The following PCDHGB1 variants were observed in gnomAD, a reference collection of about 807,000 sequenced individuals.
PCDHGB1 encodes the protein protocadherin gamma-B1.
PCDHGB1 carries 34 observed loss-of-function variants against 56.6 expected under a neutral mutation model. That is an observed-to-expected ratio of 0.60 (90% CI 0.46 to 0.80). PCDHGB1 has a LOEUF of 0.80. PCDHGB1 is among the 30% of genes least tolerant of loss of function. The pLI is 0.00. For missense variants in PCDHGB1, 1,278 were observed against 1,204.6 expected (o/e 1.06, Z -0.90); for synonymous variants, 561 against 505.9 (o/e 1.11, Z -1.46).
intron 3 of PCDHGB1, among the ~76,000 whole-genome samples, chr5:141,506,012 T>C (rs2099850012): frequency 6.6e-6 from 1 of 152,208 alleles, no homozygotes; most frequent in Non-Finnish European, 1.5e-5. Context: ...CCTCTTTTGC[T>C]GCCCCTAACT....
intron 1 of PCDHGB1, chr5:141,375,050 G>A: frequency 6.2e-7 from 1 of 1,614,046 alleles, no homozygotes; most frequent in Non-Finnish European, 8.5e-7. Flanking sequence ...TGAAGCCCGG[G>A]ATGGGCCAGG....
chr5:141,440,181 G>A (rs1419736461), intron 1 of PCDHGB1: 7 of 152,312 alleles, frequency 4.6e-5, no homozygotes, highest in Non-Finnish European at 8.8e-5. Context: ...CTTTGAAATA[G>A]TTGAAGGCCA....
rs3749778 is a variant in PCDHGB1, at chr5:141,351,790, G to T, written c.1530G>T (p.Val510=). 76,278 of 1,613,396 alleles carry T rather than the reference G, an allele frequency of 0.047. 1,925 individuals are homozygous for T. The highest frequency in any genetic ancestry group is 0.069 in the African/African-American group (5,185 of 75,068). Residue 510 remains valine, a synonymous_variant, in exon 1 of 4, where the codon GTG becomes GTT. Transcript: ENST00000523390. The part of the protein sequence containing the change: ...YVSVSPQSGV[V]FAQRAFDHEQ... Reference sequence around the variant, plus strand: ...CCGTGAGCCCGCAGAGCGGGGTGGTGTTCGCGCAGCGCGCCTTCGACCACG... The same window carrying T: ...CCGTGAGCCCGCAGAGCGGGGTGGTTTTCGCGCAGCGCGCCTTCGACCACG...
intron 1 of PCDHGB1, chr5:141,370,805 C>T: frequency 6.2e-7 from 1 of 1,614,026 alleles, no homozygotes; most frequent in Non-Finnish European, 8.5e-7. Flanking sequence ...GCCAAAATAT[C>T]ACTGAGCTGG....
At chr5:141,409,617 C>A (rs2095293168) in intron 1 of PCDHGB1, 1 of 1,613,748 alleles carries the variant, frequency 6.2e-7, no homozygotes, top group South Asian at 1.1e-5. Context: ...GCCTCCATTG[C>A]GCAAGTGAGC....
chr5:141,478,520 G>A, intron 1 of PCDHGB1: 1 of 1,610,510 alleles, frequency 6.2e-7, no homozygotes, highest in Non-Finnish European at 8.5e-7. Context: ...GCAGGTGTTG[G>A]GTGCAGAGAG....
At chr5:141,358,396 T>C (rs1427310133) in intron 1 of PCDHGB1, among the ~76,000 whole-genome samples, 1 of 152,190 alleles carries the variant, frequency 6.6e-6, no homozygotes, top group Non-Finnish European at 1.5e-5. Flanking sequence ...TGCTTGAAGT[T>C]TACTTTTCCT....
At chr5:141,414,691 T>A (rs2095777481) in intron 1 of PCDHGB1, 1 of 1,613,848 alleles carries the variant, frequency 6.2e-7, no homozygotes, top group African/African-American at 1.3e-5. Context: ...GGTACCTCTG[T>A]CCTCATACAT....
chr5:141,434,027 G>A (rs887125944), intron 1 of PCDHGB1, among the ~76,000 whole-genome samples: 3 of 152,130 alleles, frequency 2.0e-5, no homozygotes, highest in Non-Finnish European at 2.9e-5. Flanking sequence ...GATTCTGGAA[G>A]CATGGTTTTC....
intron 1 of PCDHGB1, chr5:141,365,416 C>T (rs780113082): frequency 5.0e-6 from 8 of 1,613,930 alleles, no homozygotes; most frequent in Non-Finnish European, 6.8e-6. Context: ...ACTGTCTTCC[C>T]GGAACTGTAA....
intron 1 of PCDHGB1, chr5:141,371,857 C>G (rs1768115675): frequency 6.2e-7 from 1 of 1,613,484 alleles, no homozygotes; most frequent in Admixed American, 1.7e-5. Flanking sequence ...GGCCTTGTCT[C>G]CTACTACATC....
chr5:141,460,783 T>G (rs1000959104), intron 1 of PCDHGB1, among the ~76,000 whole-genome samples: 1 of 152,030 alleles, frequency 6.6e-6, no homozygotes, highest in Non-Finnish European at 1.5e-5. Flanking sequence ...TGTATACATA[T>G]ATACACACAA....
chr5:141,404,908 C>T, intron 1 of PCDHGB1: 1 of 1,613,882 alleles, frequency 6.2e-7, no homozygotes, highest in Non-Finnish European at 8.5e-7. Context: ...ATGGCCAGCC[C>T]CCTCTCTCGG....
Position 141,490,447 on chromosome 5 carries a change from C to A in PCDHGB1, c.2410-4360C>A, listed in dbSNP as rs1273424450. 1.2e-6 allele frequency: 2 copies of A among 1,614,196 alleles called. No homozygotes were observed. The highest frequency in any genetic ancestry group is 1.7e-5 in the Admixed American group (1 of 60,030). Reference sequence around the variant, plus strand: ...ATTTCAGATTAAGCCTTCTGAGAACCACTACTCGCTGCTAACCAGCCAGCC... The same window carrying A: ...ATTTCAGATTAAGCCTTCTGAGAACAACTACTCGCTGCTAACCAGCCAGCC... On this transcript the variant is annotated intron_variant, in intron 1 of 3. Coordinates refer to ENST00000523390, the MANE Select transcript of PCDHGB1 (RefSeq NM_018922.3). This position sits in a 1 kb window ranked among gnomAD's most constrained non-coding sequence, Gnocchi z 5.4.
At chr5:141,408,302 C>G (rs1017556555) in intron 1 of PCDHGB1, 1 of 1,613,662 alleles carries the variant, frequency 6.2e-7, no homozygotes. Flanking sequence ...TGAGCCGATC[C>G]GCTACTCGAT....
rs915039012 is a variant in PCDHGB1 at position 141,372,538 on chromosome 5, T to A, written c.2409+19869T>A. The stretch of plus-strand genomic sequence containing the variant: ...GTGATTCTGGCAATCTCCCTGCGCC[T>A]GCGATGCTCCTCCAGACCCGCCACT... On this transcript the variant is annotated intron_variant, in intron 1 of 3. Coordinates refer to ENST00000523390, the MANE Select transcript of PCDHGB1 (RefSeq NM_018922.3). The A allele has an allele frequency of 1.9e-6, 3 of 1,613,928 alleles. No homozygotes were observed. The African/African-American group carries it at 4.0e-5, about 22-fold the overall frequency.
Position 141,431,826 on chromosome 5 carries a change from TTCCCGAAAACTC to T in PCDHGB1, c.2410-62976_2410-62965del, listed in dbSNP as rs755346532. ...GTCCTCACCTCTCTCGCCAGCTCGGTTCCCGAAAACTCTCCCAGAGGGACATTAATTGCCCTT... is the reference window on the plus strand; with the variant it reads ...GTCCTCACCTCTCTCGCCAGCTCGGTTCCCAGAGGGACATTAATTGCCCTT... On this transcript the variant is annotated intron_variant, in intron 1 of 3. Transcript: ENST00000523390. The surrounding 1 kb of genome is among the most constrained non-coding windows in gnomAD (Gnocchi z 4.8). The T allele has an allele frequency of 4.3e-6, 7 of 1,614,102 alleles. No individual in the cohort carries two copies. Among genetic ancestry groups the T allele is most frequent in the Admixed American group, 1.7e-5 (1 of 60,006 alleles).
At chr5:141,375,106 T>C in intron 1 of PCDHGB1, 1 of 1,613,952 alleles carries the variant, frequency 6.2e-7, no homozygotes, top group East Asian at 2.2e-5. Context: ...TGGATGTCAA[T>C]GATAATGTAC....
Position 141,477,161 on chromosome 5 carries a change from G to A in PCDHGB1, c.2410-17646G>A, listed in dbSNP as rs761453939. On this transcript the variant is annotated intron_variant, in intron 1 of 3. Transcript: ENST00000523390. The surrounding 1 kb of genome is among the most constrained non-coding windows in gnomAD (Gnocchi z 4.9). ...GGAGGTTGTGGATGTGAATGACAAC[G>A]CCCCGGAGATCACAGTCACCTCCGT... 1.9e-6 allele frequency: 3 copies of A among 1,613,988 alleles called. No individual in the cohort carries two copies. The highest frequency in any genetic ancestry group is 2.7e-5 in the African/African-American group (2 of 74,904).
Sources: gnomAD v4.1 joint callset for allele counts (sites outside exome capture counted in the v4.1 genomes callset) on GRCh38, gnomAD v4.1.1 for gene constraint, Gnocchi (gnomAD v3.1) non-coding constraint, MANE v1.5 for transcripts, NCBI Gene and HGNC (gene_info 2026-07-23, HGNC 2026-07-21) for gene names.